The following EPB41L4A variants were observed in gnomAD, a reference collection of about 807,000 sequenced individuals.
EPB41L4A encodes the protein erythrocyte membrane protein band 4.1 like 4A, also known as band 4.1-like protein 4A.
A neutral mutation model predicts 108.6 loss-of-function variants in EPB41L4A; 100 were observed. The observed-to-expected ratio is 0.92, with a 90% confidence interval of 0.78 to 1.09. EPB41L4A has a LOEUF of 1.09. Among genes scored for constraint, EPB41L4A ranks in the 50% least tolerant of loss-of-function variants. The probability of loss-of-function intolerance (pLI) is 0.00; values close to 1 mark genes in which losing one functional copy is unlikely to be tolerated. For synonymous variants in EPB41L4A, 319 were observed against 289.0 expected (o/e 1.10, Z -1.05); for missense variants, 1,030 against 842.7 (o/e 1.22, Z -2.75).
At chr5:112,219,275 A>C (rs1747872329) in intron 12 of EPB41L4A, among the ~76,000 whole-genome samples, 1 of 152,150 alleles carries the variant, frequency 6.6e-6, no homozygotes, top group Non-Finnish European at 1.5e-5. Flanking sequence ...TATTCTCGTG[A>C]TAGTGAGTGA....
intron 2 of EPB41L4A, among the ~76,000 whole-genome samples, chr5:112,286,543 A>T (rs1212563352): frequency 1.3e-5 from 2 of 152,192 alleles, no homozygotes; most frequent in Non-Finnish European, 2.9e-5. Flanking sequence ...CTGAAAATGG[A>T]AACAATCATA....
At chr5:112,158,374 C>A (rs112398175), downstream of EPB41L4A, 11 of 365,194 alleles carry the variant, frequency 3.0e-5, no homozygotes, top group African/African-American at 1.5e-4. Context: ...TAAACTAACC[C>A]ATATAGTACA....
intron 1 of EPB41L4A, among the ~76,000 whole-genome samples, chr5:112,362,801 A>G (rs186286100): frequency 2.4e-4 from 36 of 152,338 alleles, no homozygotes; most frequent in Admixed American, 1.8e-3. Context: ...TTTTTTAAAT[A>G]AATGCAATAT....
At chr5:112,403,882 G>A (rs1415571460) in intron 1 of EPB41L4A, among the ~76,000 whole-genome samples, 2 of 152,086 alleles carry the variant, frequency 1.3e-5, no homozygotes, top group East Asian at 3.9e-4. Context: ...TATTCTACTG[G>A]AAATACAAAG....
At chr5:112,363,871 C>A (rs1431690828) in intron 1 of EPB41L4A, among the ~76,000 whole-genome samples, 1 of 152,146 alleles carries the variant, frequency 6.6e-6, no homozygotes, top group Non-Finnish European at 1.5e-5. Context: ...ACACTGAAAC[C>A]ATTCATGCCA....
intron 9 of EPB41L4A, among the ~76,000 whole-genome samples, chr5:112,253,792 T>C (rs1750862934): frequency 6.6e-6 from 1 of 152,222 alleles, no homozygotes; most frequent in Admixed American, 6.5e-5. Context: ...ATGAATATGT[T>C]CTTCGTAATA....
At chr5:112,274,776 T>C (rs1023307428) in intron 4 of EPB41L4A, among the ~76,000 whole-genome samples, 3 of 152,172 alleles carry the variant, frequency 2.0e-5, no homozygotes, top group Non-Finnish European at 2.9e-5. Context: ...TTAATACCAA[T>C]AGGAAATTCT....
At chr5:112,359,462 GTTGA>G (rs1390530039) in intron 1 of EPB41L4A, among the ~76,000 whole-genome samples, 1 of 152,034 alleles carries the variant, frequency 6.6e-6, no homozygotes, top group African/African-American at 2.4e-5. Flanking sequence ...AATAACAACT[GTTGA>G]TTGAGTTTAG....
chr5:112,332,550 C>A (rs898835023), intron 1 of EPB41L4A, among the ~76,000 whole-genome samples: 1 of 152,222 alleles, frequency 6.6e-6, no homozygotes, highest in African/African-American at 2.4e-5. Flanking sequence ...CAGACTCTCT[C>A]TGGAGTCAGT....
chr5:112,221,985 G>T (rs1748082525), intron 12 of EPB41L4A, among the ~76,000 whole-genome samples: 1 of 152,134 alleles, frequency 6.6e-6, no homozygotes, highest in African/African-American at 2.4e-5. Context: ...GCCAACAAAG[G>T]CTAACAGCCT....
In EPB41L4A at chr5:112,164,827, A is replaced by T; in HGVS notation, c.*163T>A. 3 of 722,508 alleles carry T rather than the reference A, an allele frequency of 4.2e-6. No individual in the cohort carries two copies. 44.8% of individuals were successfully genotyped at this position (722,508 alleles called of 1,614,324 possible). ...CCAGCCTGGGCGACAGAGTGATAAC[A>T]TCTCAAAAAAAAAAAAAAAAAGAAG... On this transcript the variant is annotated 3_prime_UTR_variant, in exon 23 of 23. Transcript: ENST00000261486.
At chr5:112,159,993 C>A (rs1186856768), downstream of EPB41L4A, among the ~76,000 whole-genome samples, 1 of 151,180 alleles carries the variant, frequency 6.6e-6, no homozygotes, top group Admixed American at 6.6e-5. Flanking sequence ...CCTCCACCCC[C>A]ACCCCGCCCG....
intron 12 of EPB41L4A, among the ~76,000 whole-genome samples, chr5:112,217,542 GT>G (rs1239743310): frequency 1.3e-5 from 2 of 152,016 alleles, no homozygotes; most frequent in Admixed American, 6.6e-5. Context: ...TACAAAAAAA[GT>G]TTTTTTAATT....
rs1201549410 is a variant in EPB41L4A, at chr5:112,163,914, CAA to C, written c.*1074_*1075del. On this transcript the variant is annotated 3_prime_UTR_variant, in exon 23 of 23. Coordinates refer to ENST00000261486, the MANE Select transcript of EPB41L4A (RefSeq NM_022140.5). ...AGCATCCAAAGCACAGGTGGAGAGA[CAA>C]AAAGGTTAGGGCTGCTGGCAGCTGT... 1.3e-5 allele frequency: 2 copies of C among 152,332 alleles called. No individual in the cohort carries two copies. The highest frequency in any genetic ancestry group is 4.8e-5 in the African/African-American group (2 of 41,426). The allele number at this position is 152,332 out of a possible 1,614,324, so 9.4% of individuals were successfully genotyped here.
Position 112,269,009 on chromosome 5 carries a change from C to T in EPB41L4A, c.336-2679G>A, listed in dbSNP as rs529071944. ...AGAAAACAAAGAGCTGAAATACAGA[C>T]AAACACATACAAAGAAACAGGAGCC... is the stretch of plus-strand genomic sequence containing the variant. On this transcript the variant is annotated intron_variant, in intron 4 of 22. Coordinates refer to ENST00000261486, the MANE Select transcript of EPB41L4A (RefSeq NM_022140.5). 2.4e-4 allele frequency among the ~76,000 whole-genome samples: 37 copies of T among 151,960 alleles called. No individual in the cohort carries two copies. In the South Asian group the frequency reaches 6.4e-3, roughly 26 times the overall value.
At chr5:112,305,622 T>A (rs1561555803) in intron 2 of EPB41L4A, among the ~76,000 whole-genome samples, 1 of 152,122 alleles carries the variant, frequency 6.6e-6, no homozygotes, top group African/African-American at 2.4e-5. Context: ...AAGTACAAAA[T>A]TTCATTACAT....
chr5:112,222,422 G>A (rs1192356798), intron 12 of EPB41L4A, among the ~76,000 whole-genome samples: 2 of 152,170 alleles, frequency 1.3e-5, no homozygotes, highest in Non-Finnish European at 2.9e-5. Flanking sequence ...TCAGTAAGAT[G>A]AGACTACCAC....
rs1180827790 is a variant in EPB41L4A at position 112,205,431 on chromosome 5, C to T, written c.1252G>A (p.Gly418Ser). The change falls in exon 14 of 23, where the codon GGC (glycine) becomes AGC (serine). Residue 418 changes from glycine (G) to serine (S), a missense_variant. Physicochemically the swap from Gly to Ser is moderately conservative, Grantham distance 56. Coordinates refer to ENST00000261486, the MANE Select transcript of EPB41L4A (RefSeq NM_022140.5). ...AATGATTCCCTTTACCTCTGGGGGC[C>T]ATTTTCTTCCCACGGTGCATGAGAT... ...SKSHAPWEENGPQSGLYNSPS... is the reference protein window; with the variant it reads ...SKSHAPWEENSPQSGLYNSPS... The T allele has an allele frequency of 3.7e-6, 6 of 1,613,520 alleles. No homozygotes were observed. Among genetic ancestry groups the T allele is most frequent in the Non-Finnish European group, 5.1e-6 (6 of 1,179,626 alleles).
Position 112,252,142 on chromosome 5 carries a change from G to A in EPB41L4A, c.795+7087C>T, listed in dbSNP as rs557712422. Among the ~76,000 whole-genome samples, 11 of 152,290 alleles carry A rather than the reference G, an allele frequency of 7.2e-5. No homozygotes were observed. In the East Asian group the frequency reaches 1.3e-3, roughly 19 times the overall value. On this transcript the variant is annotated intron_variant, in intron 9 of 22. Transcript: ENST00000261486. ...GAGGGAGAGTAAGGAAGAACCCTGT[G>A]GCTATGGACAGAACTGGAAGTATGC...
Sources: allele counts gnomAD v4.1 joint callset (sites outside exome capture counted in the v4.1 genomes callset), GRCh38; gene constraint gnomAD v4.1.1; transcripts MANE v1.5; gene names NCBI Gene and HGNC (gene_info 2026-07-23, HGNC 2026-07-21).